The following HSDL2 variants were observed in gnomAD, a reference collection of about 807,000 sequenced individuals.
The protein encoded by HSDL2 is hydroxysteroid dehydrogenase-like protein 2.
HSDL2 carries 27 observed loss-of-function variants against 46.3 expected under a neutral mutation model. The ratio of observed to expected loss-of-function variants is 0.58; its 90% CI spans 0.43 to 0.80. The LOEUF (loss-of-function observed/expected upper bound fraction) is 0.80. Ranked by LOEUF, HSDL2 falls within the 30% of genes least tolerant of loss-of-function variation. The pLI is 0.00. For missense variants in HSDL2, 451 were observed against 502.7 expected (o/e 0.90, Z 0.98); for synonymous variants, 153 against 163.6 (o/e 0.94, Z 0.50).
intron 1 of HSDL2, among the ~76,000 whole-genome samples, chr9:112,382,971 C>T (rs1209548022): frequency 7.0e-6 from 1 of 143,626 alleles, no homozygotes; most frequent in Non-Finnish European, 1.5e-5. Context: ...TGGAGTCTTG[C>T]TCTGTAAGCC....
At chr9:112,448,746 A>C (rs1231601866) in intron 8 of HSDL2, among the ~76,000 whole-genome samples, 1 of 151,580 alleles carries the variant, frequency 6.6e-6, no homozygotes, top group African/African-American at 2.4e-5. Context: ...TAGTAGAGAC[A>C]GGGTTTCACT....
At chr9:112,463,254 T>C (rs1372753700) in intron 10 of HSDL2, among the ~76,000 whole-genome samples, 3 of 66,296 alleles carry the variant, frequency 4.5e-5, no homozygotes, top group East Asian at 3.7e-4. Flanking sequence ...TAAGTTGATA[T>C]TTAACTTTTT....
intron 5 of HSDL2, among the ~76,000 whole-genome samples, chr9:112,418,610 G>A (rs1832049287): frequency 6.6e-6 from 1 of 151,046 alleles, no homozygotes; most frequent in African/African-American, 2.4e-5. Context: ...ATGTATGTGT[G>A]TGTATATATG....
chr9:112,458,201 C>T (rs928109881), intron 9 of HSDL2, among the ~76,000 whole-genome samples: 2 of 152,080 alleles, frequency 1.3e-5, no homozygotes, highest in Non-Finnish European at 2.9e-5. Context: ...TCTACCCTGT[C>T]CATCTAGCTA....
At chr9:112,452,629 C>A (rs889147928) in intron 8 of HSDL2, among the ~76,000 whole-genome samples, 6 of 152,136 alleles carry the variant, frequency 3.9e-5, no homozygotes, top group Non-Finnish European at 5.9e-5. Context: ...CACCTGTAGT[C>A]CCACCTACTC....
intron 8 of HSDL2, among the ~76,000 whole-genome samples, chr9:112,451,954 T>A (rs1334788898): frequency 6.6e-6 from 1 of 152,214 alleles, no homozygotes; most frequent in Non-Finnish European, 1.5e-5. Context: ...ATACATCTGA[T>A]CACTGTTTCT....
intron 6 of HSDL2, among the ~76,000 whole-genome samples, chr9:112,436,378 T>C (rs1225827820): frequency 1.3e-5 from 2 of 152,078 alleles, no homozygotes; most frequent in Non-Finnish European, 2.9e-5. Context: ...GGGATGTAAG[T>C]TCCATGAAGG....
intron 8 of HSDL2, among the ~76,000 whole-genome samples, chr9:112,442,268 C>CAAA (rs71382431): frequency 3.0e-4 from 14 of 47,452 alleles, no homozygotes; most frequent in East Asian, 1.7e-3. Context: ...GACCCTGTCT[C>CAAA]AAAAAAAAAA....
Position 112,438,425 on chromosome 9 carries a change from C to G in HSDL2, c.599-6C>G. On this transcript the variant is annotated splice_polypyrimidine_tract_variant and splice_region_variant and intron_variant, in intron 6 of 10. Coordinates refer to ENST00000398805, the MANE Select transcript of HSDL2 (RefSeq NM_032303.5). ...GAGTGTATGTGTGTGTGTGTTTTCT[C>G]TACAGCCATACACACTGCTGCTATG... The G allele has an allele frequency of 3.2e-6, 5 of 1,549,714 alleles. No individual in the cohort carries two copies. Among genetic ancestry groups the G allele is most frequent in the Non-Finnish European group, 4.3e-6 (5 of 1,149,694 alleles).
chr9:112,416,544 A>C (rs1831998488), intron 4 of HSDL2, among the ~76,000 whole-genome samples: 1 of 151,180 alleles, frequency 6.6e-6, no homozygotes. Context: ...CTTGAGTCCA[A>C]GGGGTTCAAG....
chr9:112,442,736 C>T (rs986543265), intron 8 of HSDL2, among the ~76,000 whole-genome samples: 1 of 152,048 alleles, frequency 6.6e-6, no homozygotes, highest in African/African-American at 2.4e-5. Context: ...GATGCTATGA[C>T]TCTCATCGAT....
At chr9:112,466,280 C>T (rs534750160) in intron 10 of HSDL2, among the ~76,000 whole-genome samples, 6 of 152,244 alleles carry the variant, frequency 3.9e-5, no homozygotes, top group East Asian at 3.9e-4. Context: ...TCTGGCCAGG[C>T]GCAGTGGCTC....
At chr9:112,461,069 T>A (rs1365514210) in intron 10 of HSDL2, among the ~76,000 whole-genome samples, 1 of 152,076 alleles carries the variant, frequency 6.6e-6, no homozygotes, top group East Asian at 1.9e-4. Context: ...TCATTGGTTA[T>A]CCCTTTAATG....
intron 6 of HSDL2, among the ~76,000 whole-genome samples, chr9:112,429,190 T>TG (rs1308240593): frequency 6.6e-6 from 1 of 152,186 alleles, no homozygotes; most frequent in East Asian, 1.9e-4. Flanking sequence ...TGAGCCACTG[T>TG]GCCCAGCTGA....
At chr9:112,398,505 C>T (rs989539515) in intron 1 of HSDL2, among the ~76,000 whole-genome samples, 4 of 151,806 alleles carry the variant, frequency 2.6e-5, no homozygotes, top group Admixed American at 6.6e-5. Flanking sequence ...CCAAAGTCAC[C>T]AGAGTTAGAT....
intron 10 of HSDL2, among the ~76,000 whole-genome samples, chr9:112,459,923 G>C (rs568608858): frequency 3.4e-4 from 52 of 152,350 alleles, no homozygotes; most frequent in Middle Eastern, 6.8e-3. Context: ...ACTGAACTCA[G>C]TAGCAGCAGT....
intron 6 of HSDL2, among the ~76,000 whole-genome samples, chr9:112,424,430 A>G (rs562665326): frequency 9.2e-5 from 14 of 152,202 alleles, no homozygotes; most frequent in Non-Finnish European, 1.6e-4. Flanking sequence ...GTTGAGTCTA[A>G]TAATTTATCT....
intron 10 of HSDL2, among the ~76,000 whole-genome samples, chr9:112,465,257 T>C (rs1025861124): frequency 6.6e-6 from 1 of 152,176 alleles, no homozygotes. Flanking sequence ...GTCTCCTGGG[T>C]AGCTGGGATT....
intron 6 of HSDL2, among the ~76,000 whole-genome samples, chr9:112,431,679 A>G (rs1826241727): frequency 6.6e-6 from 1 of 152,024 alleles, no homozygotes; most frequent in African/African-American, 2.4e-5. Flanking sequence ...AAAAGTGTGT[A>G]GCACACCACC....
Sources: gnomAD v4.1 joint callset for allele counts (sites outside exome capture counted in the v4.1 genomes callset) on GRCh38, gnomAD v4.1.1 for gene constraint, MANE v1.5 for transcripts, NCBI Gene and HGNC (gene_info 2026-07-23, HGNC 2026-07-21) for gene names.